SPAG17: variants seen among roughly 807,000 people sequenced by gnomAD.
SPAG17 encodes sperm-associated antigen 17.
A neutral mutation model predicts 273.6 loss-of-function variants in SPAG17; 169 were observed. That is an observed-to-expected ratio of 0.62 (90% CI 0.55 to 0.70). The LOEUF (loss-of-function observed/expected upper bound fraction) is 0.70, where lower values mean the gene tolerates loss of function less well. SPAG17 is among the 30% of genes least tolerant of loss of function. The pLI is 0.00. For missense variants in SPAG17, 2,557 were observed against 2,627.8 expected, an observed-to-expected ratio of 0.97 and a Z score of 0.59; for synonymous variants, 825 against 873.2, an observed-to-expected ratio of 0.94 and a Z score of 0.97.
At chr1:118,134,525 G>T (rs1658232466) in intron 3 of SPAG17, among the ~76,000 whole-genome samples, 1 of 152,102 alleles carries the variant, frequency 6.6e-6, no homozygotes, top group African/African-American at 2.4e-5. Flanking sequence ...AATGCATCCA[G>T]CAATGAACTG....
chr1:118,053,326 G>A (rs1651282154), intron 20 of SPAG17, among the ~76,000 whole-genome samples: 2 of 152,080 alleles, frequency 1.3e-5, no homozygotes, highest in South Asian at 4.1e-4. Flanking sequence ...TGCTCATGGG[G>A]GTTGGGAAGT....
chr1:118,136,832 T>TGTGTGTGTGTGTG (rs1558037921), intron 3 of SPAG17, among the ~76,000 whole-genome samples: 2 of 150,036 alleles, frequency 1.3e-5, no homozygotes, highest in African/African-American at 4.9e-5. Flanking sequence ...TGTGTGTGTG[T>TGTGTGTGTGTGTG]TTTTAATGAT....
rs761681865 is a variant in SPAG17 at position 117,973,556 on chromosome 1, C to G, written c.6010G>C (p.Glu2004Gln). 9 of 1,613,380 alleles carry G rather than the reference C, an allele frequency of 5.6e-6. No homozygotes were observed. The highest frequency in any genetic ancestry group is 1.1e-5 in the South Asian group (1 of 90,958). The change falls in exon 44 of 49, where the codon GAA (glutamate) becomes CAA (glutamine). Residue 2004 changes from glutamate to glutamine, a missense_variant. By Grantham distance (29) the Glu-to-Gln change is conservative (BLOSUM62 2). Coordinates refer to ENST00000336338, the MANE Select transcript of SPAG17 (RefSeq NM_206996.4). ...GGAATTTTCACGGGCTCATAAGATT[C>G]TGCTTCTGTTAGAGAGAAAGCTTAA... The part of the protein sequence containing the change: ...ENLTKSPEEA[E>Q]SYEPVKIPTQ...
At chr1:118,082,450 G>A (rs1400169796) in intron 13 of SPAG17, among the ~76,000 whole-genome samples, 1 of 152,162 alleles carries the variant, frequency 6.6e-6, no homozygotes, top group African/African-American at 2.4e-5. Flanking sequence ...GGTCCTTTGG[G>A]AAAAAACAGG....
chr1:118,112,257 G>A (rs1003966652), intron 4 of SPAG17, among the ~76,000 whole-genome samples: 1 of 151,958 alleles, frequency 6.6e-6, no homozygotes, highest in Non-Finnish European at 1.5e-5. Context: ...AAACAAAAAT[G>A]TGAGTAGATA....
intron 4 of SPAG17, among the ~76,000 whole-genome samples, chr1:118,112,867 G>A (rs1338898071): frequency 2.0e-5 from 3 of 152,098 alleles, no homozygotes; most frequent in African/African-American, 7.2e-5. Flanking sequence ...GTTATTAAAA[G>A]TAGTGGAGTT....
Position 118,025,540 on chromosome 1 carries a change from CT to C in SPAG17, c.3731-125del, listed in dbSNP as rs1647645257. 8.8e-6 allele frequency: 7 copies of C among 798,370 alleles called. No homozygotes were observed. In the South Asian group the frequency reaches 1.4e-4, roughly 16 times the overall value. 49.5% of individuals were successfully genotyped at this position (798,370 alleles called of 1,614,324 possible). ...TTTTAAAAATAGAGACAAAGTCTCG[CT>C]TTGTCATCCAGGCTGGAGTGCAATG... On this transcript the variant is annotated intron_variant, in intron 26 of 48. Coordinates refer to ENST00000336338, the MANE Select transcript of SPAG17 (RefSeq NM_206996.4).
At chr1:118,140,848 C>T (rs930655070) in intron 3 of SPAG17, among the ~76,000 whole-genome samples, 76 of 152,292 alleles carry the variant, frequency 5.0e-4, no homozygotes, top group African/African-American at 1.3e-3. Context: ...TGAAATAAAA[C>T]GGCAAACTCC....
In SPAG17 at chr1:118,128,827, T is replaced by C. The variant is rs116662859; in HGVS notation, c.316-13386A>G. On this transcript the variant is annotated intron_variant, in intron 3 of 48. Coordinates refer to ENST00000336338, the MANE Select transcript of SPAG17 (RefSeq NM_206996.4). ...TCCTTCATAGGAGAATCTGACTTTT[T>C]TTCAGGCATTGCCCTCTCTCTCATT... 6.5e-3 allele frequency among the ~76,000 whole-genome samples: 991 copies of C among 152,354 alleles called. 8 individuals carry two copies. Among genetic ancestry groups the C allele is most frequent in the African/African-American group, 0.023 (946 of 41,588 alleles).
At chr1:118,082,137 C>A (rs1401198944) in intron 13 of SPAG17, among the ~76,000 whole-genome samples, 2 of 152,120 alleles carry the variant, frequency 1.3e-5, no homozygotes, top group Non-Finnish European at 2.9e-5. Context: ...TCCATAATTG[C>A]ACTTCAAAGT....
intron 48 of SPAG17, 44 bp from the exon 49 acceptor site, chr1:117,954,093 G>A: frequency 6.2e-7 from 1 of 1,611,802 alleles, no homozygotes; most frequent in South Asian, 1.1e-5. Flanking sequence ...AAGCTGCAGG[G>A]AAAGAGGTAA....
intron 15 of SPAG17, among the ~76,000 whole-genome samples, chr1:118,077,548 T>C (rs917050949): frequency 1.3e-5 from 2 of 151,826 alleles, no homozygotes; most frequent in Admixed American, 1.3e-4. Context: ...GAAAAAAAAA[T>C]GAAACAAAAC....
At chr1:118,034,228 G>A (rs191064799) in intron 24 of SPAG17, among the ~76,000 whole-genome samples, 118 of 152,268 alleles carry the variant, frequency 7.7e-4, no homozygotes, top group African/African-American at 2.1e-3. Context: ...TAATTTAGTG[G>A]GTAGTTCAGA....
chr1:118,132,497 C>A (rs895444066), intron 3 of SPAG17, among the ~76,000 whole-genome samples: 1 of 152,102 alleles, frequency 6.6e-6, no homozygotes, highest in Non-Finnish European at 1.5e-5. Context: ...AGCAAAACCC[C>A]AGGCTTTATT....
intron 43 of SPAG17, among the ~76,000 whole-genome samples, chr1:117,975,597 C>T (rs534262054): frequency 8.5e-5 from 13 of 152,242 alleles, no homozygotes; most frequent in Admixed American, 2.0e-4. Flanking sequence ...TTTACTACTC[C>T]GGGTGTCCCA....
rs1458134061 is a variant in SPAG17 at position 117,990,925 on chromosome 1, T to G, written c.5476-19A>C. On this transcript the variant is annotated intron_variant, in intron 37 of 48. Coordinates refer to ENST00000336338, the MANE Select transcript of SPAG17 (RefSeq NM_206996.4). ...GGAAAGACTGAAATGAAGATAGAAT[T>G]ACTTATGATGATTATATTACTTACA... The G allele has an allele frequency of 1.4e-6, 2 of 1,466,248 alleles. No individual in the cohort carries two copies. The highest frequency in any genetic ancestry group is 1.9e-6 in the Non-Finnish European group (2 of 1,063,936). 90.8% of individuals were successfully genotyped at this position (1,466,248 alleles called of 1,614,324 possible).
chr1:118,155,179 C>G (rs896060474), intron 1 of SPAG17, among the ~76,000 whole-genome samples: 14 of 152,112 alleles, frequency 9.2e-5, no homozygotes, highest in African/African-American at 3.4e-4. Context: ...CTTTACCAGT[C>G]TCACCTAATT....
At chr1:118,182,861 C>A (rs1232654187) in intron 1 of SPAG17, among the ~76,000 whole-genome samples, 1 of 152,180 alleles carries the variant, frequency 6.6e-6, no homozygotes, top group Non-Finnish European at 1.5e-5. Context: ...AACCTCTAGT[C>A]TCTATTTAAT....
chr1:117,987,708 T>C (rs1271646161), intron 40 of SPAG17, 126 bp downstream of exon 40: 6 of 906,564 alleles, frequency 6.6e-6, no homozygotes, highest in Non-Finnish European at 6.9e-6. Flanking sequence ...GACCACTTGG[T>C]AGACATGTTG....
Sources: gnomAD v4.1 joint callset for allele counts (sites outside exome capture counted in the v4.1 genomes callset) on GRCh38, gnomAD v4.1.1 for gene constraint, MANE v1.5 for transcripts, NCBI Gene and HGNC (gene_info 2026-07-23, HGNC 2026-07-21) for gene names.